NCOA3: variants seen among roughly 807,000 people sequenced by gnomAD.
NCOA3 encodes the protein CBP-interacting protein.
Under a neutral mutation model 158.8 loss-of-function variants are expected in NCOA3, and 51 were observed. The observed-to-expected ratio is 0.32, with a 90% CI of 0.26 to 0.41. The LOEUF (loss-of-function observed/expected upper bound fraction) is 0.41, where lower values mean the gene tolerates loss of function less well. NCOA3 is among the 10% of genes least tolerant of loss of function. The pLI is 1.00. For missense variants in NCOA3, 1,510 were observed against 1,746.6 expected, an observed-to-expected ratio of 0.86 and a Z score of 2.41; for synonymous variants, 537 against 592.4, an observed-to-expected ratio of 0.91 and a Z score of 1.36.
chr20:47,551,513 A>G (rs1020142539), intron 1 of NCOA3, among the ~76,000 whole-genome samples: 3 of 152,218 alleles, frequency 2.0e-5, no homozygotes, highest in African/African-American at 7.2e-5. Flanking sequence ...TGTTTTTATA[A>G]ACAGAATTAC....
chr20:47,589,037 C>T (rs2085582471), intron 2 of NCOA3, among the ~76,000 whole-genome samples: 3 of 151,918 alleles, frequency 2.0e-5, no homozygotes, highest in African/African-American at 7.3e-5. Context: ...TACAAATGCC[C>T]AACAGCATGC....
rs763652146 is a variant in NCOA3 at position 47,642,389 on chromosome 20, G to T, written c.3252+5G>T. 1.3e-6 allele frequency: 2 copies of T among 1,587,942 alleles called. No homozygotes were observed. Among genetic ancestry groups the T allele is most frequent in the Admixed American group, 1.9e-5 (1 of 52,824 alleles). ...ATTCCTGAACTTGTCAATCAGGTAGGTTGCATTAACATGGAAGTAGGAGAG... is the reference window on the plus strand; with the variant it reads ...ATTCCTGAACTTGTCAATCAGGTAGTTTGCATTAACATGGAAGTAGGAGAG... On this transcript the variant is annotated splice_donor_5th_base_variant and intron_variant, in intron 17 of 22. Transcript: ENST00000371998.
At chr20:47,528,232 G>T (rs962685718) in intron 1 of NCOA3, among the ~76,000 whole-genome samples, 3 of 152,248 alleles carry the variant, frequency 2.0e-5, no homozygotes, top group Middle Eastern at 3.4e-3. Flanking sequence ...TATAGGGAAA[G>T]AAAAACCTAG....
chr20:47,534,425 T>C (rs1272268316), intron 1 of NCOA3, among the ~76,000 whole-genome samples: 1 of 152,190 alleles, frequency 6.6e-6, no homozygotes, highest in East Asian at 1.9e-4. Flanking sequence ...AGCATTAGTC[T>C]CCCTAACTGG....
intron 1 of NCOA3, among the ~76,000 whole-genome samples, chr20:47,539,560 T>G (rs2084689349): frequency 6.6e-6 from 1 of 152,148 alleles, no homozygotes; most frequent in South Asian, 2.1e-4. Context: ...TTGAATGGAT[T>G]TGGTGGTTTT....
chr20:47,591,614 T>G (rs899004860), intron 2 of NCOA3, among the ~76,000 whole-genome samples: 1 of 152,244 alleles, frequency 6.6e-6, no homozygotes, highest in African/African-American at 2.4e-5. Flanking sequence ...TGTCTCAACT[T>G]TTATTTATCT....
intron 1 of NCOA3, among the ~76,000 whole-genome samples, chr20:47,533,104 CAAAAAAAAAA>C (rs11344209): frequency 5.0e-5 from 2 of 39,716 alleles, no homozygotes; most frequent in Non-Finnish European, 4.3e-5. Flanking sequence ...GACTCTGTCT[CAAAAAAAAAA>C]AAAAAAAAAA....
rs1296336479 is a variant in NCOA3 at position 47,501,894 on chromosome 20, G to C, written c.-224G>C. The stretch of plus-strand genomic sequence containing the variant: ...CCCCCGTGCGGCGACTTTAGCTGCT[G>C]CTGTCTCAGCCGCTCCACAGCGACG... On this transcript the variant is annotated 5_prime_UTR_variant, in exon 1 of 23. Coordinates refer to ENST00000371998, the MANE Select transcript of NCOA3 (RefSeq NM_181659.3). 4 of 399,122 alleles carry C rather than the reference G, an allele frequency of 1.0e-5. No individual in the cohort carries two copies. The highest frequency in any genetic ancestry group is 1.8e-5 in the Non-Finnish European group (4 of 226,344). The allele number at this position is 399,122 out of a possible 1,614,324, so 24.7% of individuals were successfully genotyped here.
At chr20:47,565,602 G>C (rs1602410929) in intron 1 of NCOA3, among the ~76,000 whole-genome samples, 1 of 152,084 alleles carries the variant, frequency 6.6e-6, no homozygotes, top group African/African-American at 2.4e-5. Context: ...TGTAGTCCCA[G>C]CTACTTGGAA....
chr20:47,542,122 G>A (rs1220501998), intron 1 of NCOA3, among the ~76,000 whole-genome samples: 1 of 145,698 alleles, frequency 6.9e-6, no homozygotes, highest in Non-Finnish European at 1.5e-5. Flanking sequence ...TCTCAAACTC[G>A]TTGGCTCAAG....
In NCOA3 at chr20:47,639,834, C is replaced by T. The variant is rs746483421; in HGVS notation, c.2953+12C>T. On this transcript the variant is annotated intron_variant, in intron 15 of 22. Coordinates refer to ENST00000371998, the MANE Select transcript of NCOA3 (RefSeq NM_181659.3). ...GATGCTTCAAATGAGTAAGTGTCCA[C>T]CCTCCCCTCTTCATGAAAAAAGAAA... The T allele has an allele frequency of 1.2e-6, 2 of 1,612,942 alleles. No homozygotes were observed. The highest frequency in any genetic ancestry group is 2.2e-5 in the East Asian group (1 of 44,864).
chr20:47,651,324 G>C (rs769001220), intron 20 of NCOA3, 48 bp downstream of exon 20: 2 of 1,551,430 alleles, frequency 1.3e-6, no homozygotes, highest in East Asian at 2.3e-5. Flanking sequence ...ACATTACTAA[G>C]GACATAAGCT....
At chr20:47,505,478 C>T (rs2084017494) in intron 1 of NCOA3, among the ~76,000 whole-genome samples, 1 of 151,988 alleles carries the variant, frequency 6.6e-6, no homozygotes, top group Admixed American at 6.6e-5. Flanking sequence ...TTTTGGTCTA[C>T]AACAGCAAAT....
intron 2 of NCOA3, among the ~76,000 whole-genome samples, chr20:47,597,740 C>T (rs535709813): frequency 5.9e-5 from 9 of 151,664 alleles, no homozygotes; most frequent in East Asian, 3.9e-4. Context: ...CCACCGGCCT[C>T]GGCCTCCCAA....
chr20:47,526,300 C>T (rs1288393103), intron 1 of NCOA3, among the ~76,000 whole-genome samples: 3 of 151,908 alleles, frequency 2.0e-5, no homozygotes, highest in African/African-American at 7.3e-5. Flanking sequence ...CAGAGGGGCT[C>T]CTCACATCCC....
rs374568386 is a variant in NCOA3 at position 47,627,871 on chromosome 20, T to C, written c.722-51T>C. 6 of 1,585,726 alleles carry C rather than the reference T, an allele frequency of 3.8e-6. No homozygotes were observed. In the African/African-American group the frequency reaches 8.1e-5, roughly 21 times the overall value. On this transcript the variant is annotated intron_variant, in intron 7 of 22. Transcript: ENST00000371998. ...TGTCTTTGCTTGCCTATTGAACATATATATCCAAAAGTTAAGTATAATCCT... is the reference window on the plus strand; with the variant it reads ...TGTCTTTGCTTGCCTATTGAACATACATATCCAAAAGTTAAGTATAATCCT...
rs1158564581 is a variant in NCOA3, at chr20:47,635,635, A to T, written c.1426A>T (p.Asn476Tyr). 6.2e-7 allele frequency: 1 copy of T among 1,614,058 alleles called. No individual in the cohort carries two copies. Among genetic ancestry groups the T allele is most frequent in the African/African-American group, 1.3e-5 (1 of 74,928 alleles). ...PPHGSPGLAP[N>Y]QQNIMISPRN... Reference sequence around the variant, plus strand: ...ACATGGGAGTCCTGGTCTTGCCCCAAACCAGCAGAATATCATGATTTCTCC... The same window carrying T: ...ACATGGGAGTCCTGGTCTTGCCCCATACCAGCAGAATATCATGATTTCTCC... Residue 476 changes from asparagine (N) to tyrosine (Y), a missense_variant, in exon 11 of 23, where the codon AAC (asparagine) becomes TAC (tyrosine). Physicochemically the swap from Asn to Tyr is moderately radical, Grantham distance 143. Coordinates refer to ENST00000371998, the MANE Select transcript of NCOA3 (RefSeq NM_181659.3).
chr20:47,653,701 AGTGTTACTGATCATAAAACTTTT>A lies in NCOA3; in HGVS notation c.*289_*311del, dbSNP rs1431613215. The stretch of plus-strand genomic sequence containing the variant: ...TAGGGATATAATTCTGGAGACATGG[AGTGTTACTGATCATAAAACTTTT>A]GTGTCACTTTTTTCTGCCTTGCTAG... On this transcript the variant is annotated 3_prime_UTR_variant, in exon 23 of 23. Coordinates refer to ENST00000371998, the MANE Select transcript of NCOA3 (RefSeq NM_181659.3). The A allele has an allele frequency of 1.6e-5, 7 of 432,244 alleles. No homozygotes were observed. Among genetic ancestry groups the A allele is most frequent in the Middle Eastern group, 5.2e-4 (1 of 1,936 alleles). The allele number at this position is 432,244 out of a possible 1,614,324, so 26.8% of individuals were successfully genotyped here.
chr20:47,635,838 T>C (rs1283794854), intron 11 of NCOA3, 53 bp from the exon 12 acceptor site: 1 of 1,526,254 alleles, frequency 6.6e-7, no homozygotes, highest in African/African-American at 1.4e-5. Flanking sequence ...AGTTGTATTT[T>C]GTTACAGTGT....
Sources: gnomAD v4.1 joint callset for allele counts (sites outside exome capture counted in the v4.1 genomes callset) on GRCh38, gnomAD v4.1.1 for gene constraint, MANE v1.5 for transcripts, NCBI Gene and HGNC (gene_info 2026-07-23, HGNC 2026-07-21) for gene names.